Variants in DNAI7 observed in about 807,000 individuals in gnomAD.
DNAI7 encodes dynein axonemal intermediate chain 7.
A neutral mutation model predicts 86.6 loss-of-function variants in DNAI7; 78 were observed. The ratio of observed to expected loss-of-function variants is 0.90; its 90% CI spans 0.75 to 1.09. The LOEUF (loss-of-function observed/expected upper bound fraction) is 1.09, where lower values mean the gene tolerates loss of function less well. Ranked by LOEUF, DNAI7 falls within the 50% of genes least tolerant of loss-of-function variation. The probability of loss-of-function intolerance (pLI) is 0.00; values close to 1 mark genes in which losing one functional copy is unlikely to be tolerated. For missense variants in DNAI7, 753 were observed against 810.2 expected (o/e 0.93, Z 0.86); for synonymous variants, 274 against 273.0 (o/e 1.00, Z -0.04).
At chr12:25,107,849 T>A (rs763137437), downstream of DNAI7, 36 of 1,613,814 alleles carry the variant, frequency 2.2e-5, no homozygotes, top group Non-Finnish European at 3.0e-5. Flanking sequence ...GCAACAAATC[T>A]CAAGTCCTCC....
chr12:25,121,746 A>T lies in DNAI7; in HGVS notation c.1239+7T>A. On this transcript the variant is annotated splice_region_variant and intron_variant, in intron 11 of 15. Transcript: ENST00000395987. The stretch of plus-strand genomic sequence containing the variant: ...ACTTATAAGTTTTGATTCAAGAATC[A>T]ACCTACTTCCACAATCATCCATCCC... The T allele has an allele frequency of 6.3e-7, 1 of 1,589,534 alleles. No individual in the cohort carries two copies. Among genetic ancestry groups the T allele is most frequent in the African/African-American group, 1.4e-5 (1 of 73,528 alleles).
chr12:25,138,028 A>G (rs908335980), intron 9 of DNAI7, among the ~76,000 whole-genome samples: 6 of 152,064 alleles, frequency 3.9e-5, no homozygotes, highest in Non-Finnish European at 8.8e-5. Context: ...ACAAAACTAT[A>G]CCCTAGAACA....
In DNAI7 at chr12:25,110,154, T is replaced by C. The variant is rs374902571; in HGVS notation, c.1866A>G (p.Leu622=). Residue 622 remains leucine (L), a synonymous_variant, in exon 15 of 16, where the codon CTA becomes CTG. Coordinates refer to ENST00000395987, the MANE Select transcript of DNAI7 (RefSeq NM_018272.5). ...TAAATACGACTTTTGTAGAATTACA[T>C]AGTAGGTTCCACTTGCTCCAACCAA... ...FAFGWSKWNL[L]CNSTKVVFKV... is the part of the protein sequence containing the mutation. The C allele has an allele frequency of 1.2e-5, 19 of 1,604,644 alleles. No homozygotes were observed. The African/African-American group carries it at 2.0e-4, about 17-fold the overall frequency.
chr12:25,181,039 C>A (rs1238148806), intron 2 of DNAI7, among the ~76,000 whole-genome samples: 1 of 152,158 alleles, frequency 6.6e-6, no homozygotes, highest in Admixed American at 6.6e-5. Flanking sequence ...AACTCCTGAC[C>A]TCAGATGATC....
At chr12:25,175,937 G>A (rs1334481196) in intron 2 of DNAI7, among the ~76,000 whole-genome samples, 1 of 151,748 alleles carries the variant, frequency 6.6e-6, no homozygotes, top group African/African-American at 2.4e-5. Flanking sequence ...AAAATTAGCC[G>A]GGTATGGTGG....
At chr12:25,155,279 G>A (rs1358119984) in intron 5 of DNAI7, 32 bp downstream of exon 5, 2 of 1,170,480 alleles carry the variant, frequency 1.7e-6, no homozygotes, top group Non-Finnish European at 2.5e-6. Flanking sequence ...TGGTGACAAA[G>A]GTATTAGCTA....
At chr12:25,154,898 T>G (rs1413205748) in intron 5 of DNAI7, among the ~76,000 whole-genome samples, 1 of 152,216 alleles carries the variant, frequency 6.6e-6, no homozygotes, top group African/African-American at 2.4e-5. Context: ...CATATTGTAC[T>G]GTACTTAGAA....
intron 9 of DNAI7, among the ~76,000 whole-genome samples, chr12:25,132,331 A>AT (rs1943033815): frequency 6.6e-6 from 1 of 152,032 alleles, no homozygotes; most frequent in African/African-American, 2.4e-5. Context: ...AGGCCTCTAG[A>AT]TTTTTTCTGT....
rs1349567713 is a variant in DNAI7 at position 25,170,986 on chromosome 12, G to A, written c.22-9789C>T. On this transcript the variant is annotated intron_variant, in intron 2 of 15. Transcript: ENST00000395987. ...GGGATACAGCAAAGATGGTGCTAAC[G>A]GGAAAGTTCATAGCCCTAAATGCCT... 4.6e-5 allele frequency among the ~76,000 whole-genome samples: 7 copies of A among 152,028 alleles called. No individual in the cohort carries two copies. In the East Asian group the frequency reaches 7.7e-4, roughly 17 times the overall value.
In DNAI7 at chr12:25,110,138, CT is replaced by C; in HGVS notation, c.1881del (p.Val628SerfsTer5). The C allele has an allele frequency of 6.3e-7, 1 of 1,583,308 alleles. No homozygotes were observed. Among genetic ancestry groups the C allele is most frequent in the Non-Finnish European group, 8.7e-7 (1 of 1,152,402 alleles). ...SKWNLLCNST[K>X]VVFKVREHLT... ...TCTACATATCATACCTTAAATACGA[CT>C]TTTGTAGAATTACATAGTAGGTTCC... is the stretch of plus-strand genomic sequence containing the variant. On this transcript the variant is annotated frameshift_variant, in exon 15 of 16. Transcript: ENST00000395987. LOFTEE classifies it low-confidence loss of function (END_TRUNC).
intron 12 of DNAI7, among the ~76,000 whole-genome samples, chr12:25,116,573 C>T (rs1042487956): frequency 6.6e-6 from 1 of 152,072 alleles, no homozygotes; most frequent in Non-Finnish European, 1.5e-5. Context: ...GATCTCAGCT[C>T]GCTACACCCT....
chr12:25,129,046 A>T (rs1275054597), intron 9 of DNAI7, among the ~76,000 whole-genome samples: 1 of 152,158 alleles, frequency 6.6e-6, no homozygotes, highest in Non-Finnish European at 1.5e-5. Flanking sequence ...CTTGCCCATC[A>T]TACATCAGTC....
At chr12:25,154,604 C>T in intron 5 of DNAI7, 148 bp from the exon 6 acceptor site, 1 of 679,010 alleles carries the variant, frequency 1.5e-6, no homozygotes, top group South Asian at 2.0e-5. Context: ...TGAGAGAGCT[C>T]TAAAATAACC....
chr12:25,153,377 C>T (rs563426862), intron 6 of DNAI7, among the ~76,000 whole-genome samples: 27 of 152,262 alleles, frequency 1.8e-4, no homozygotes, highest in African/African-American at 5.8e-4. Flanking sequence ...GCCGAGATCA[C>T]GCCACTGCAC....
In DNAI7 at chr12:25,116,706, G is replaced by A. The variant is rs529939087; in HGVS notation, c.1397-1836C>T. ...GACAGGGTTTCGCCATGTTGGCCAG[G>A]CTGGTCTCGAACTCCTGACCTCAGG... On this transcript the variant is annotated intron_variant, in intron 12 of 15. Coordinates refer to ENST00000395987, the MANE Select transcript of DNAI7 (RefSeq NM_018272.5). Among the ~76,000 whole-genome samples, 4 of 151,448 alleles carry A rather than the reference G, an allele frequency of 2.6e-5. No homozygotes were observed. In the East Asian group the frequency reaches 5.9e-4, roughly 22 times the overall value.
intron 2 of DNAI7, among the ~76,000 whole-genome samples, chr12:25,188,625 GA>G (rs1397926114): frequency 6.9e-6 from 1 of 144,108 alleles, no homozygotes; most frequent in Non-Finnish European, 1.5e-5. Flanking sequence ...AGTAAGCCAA[GA>G]TTGTGCCACT....
intron 7 of DNAI7, among the ~76,000 whole-genome samples, chr12:25,147,896 C>T (rs1277593106): frequency 6.6e-6 from 1 of 152,128 alleles, no homozygotes; most frequent in African/African-American, 2.4e-5. Context: ...CATGTTTTCA[C>T]TAGTCTAATA....
intron 9 of DNAI7, among the ~76,000 whole-genome samples, chr12:25,139,786 A>G (rs4427639): frequency 0.68 from 103,918 of 151,974 alleles, 39,593 homozygotes; most frequent in East Asian, 0.99. Context: ...ACCATGGCAC[A>G]TGTATACCTA....
chr12:25,114,756 A>AT lies in DNAI7; in HGVS notation c.1510dup (p.Ile504AsnfsTer2). The AT allele has an allele frequency of 6.2e-7, 1 of 1,613,978 alleles. No individual in the cohort carries two copies. Among genetic ancestry groups the AT allele is most frequent in the Non-Finnish European group, 8.5e-7 (1 of 1,179,826 alleles). On this transcript the variant is annotated frameshift_variant, in exon 13 of 16. Coordinates refer to ENST00000395987, the MANE Select transcript of DNAI7 (RefSeq NM_018272.5). LOFTEE classifies it high-confidence loss of function. The stretch of plus-strand genomic sequence containing the variant: ...TTCCCATGACTGGTACGGCATGTTA[A>AT]TATGAGCATCTTGAATCAAGGTAAC...
Sources: allele counts gnomAD v4.1 joint callset (sites outside exome capture counted in the v4.1 genomes callset), GRCh38; gene constraint gnomAD v4.1.1; transcripts MANE v1.5; gene names NCBI Gene and HGNC (gene_info 2026-07-23, HGNC 2026-07-21).